The following EXOC6B variants were observed in gnomAD, a reference collection of about 807,000 sequenced individuals.
EXOC6B encodes SEC15 homolog B.
A neutral mutation model predicts 113.5 loss-of-function variants in EXOC6B; 54 were observed. The observed-to-expected ratio is 0.48, with a 90% CI of 0.38 to 0.60. EXOC6B has a LOEUF of 0.60. EXOC6B is among the 20% of genes least tolerant of loss of function. The pLI is 0.00. For missense variants in EXOC6B, 797 were observed against 977.5 expected, an observed-to-expected ratio of 0.82 and a Z score of 2.46; for synonymous variants, 357 against 339.0, an observed-to-expected ratio of 1.05 and a Z score of -0.58.
chr2:72,625,860 A>G (rs967263393), intron 6 of EXOC6B, among the ~76,000 whole-genome samples: 1 of 152,206 alleles, frequency 6.6e-6, no homozygotes, highest in African/African-American at 2.4e-5. Flanking sequence ...CATTTACACT[A>G]AACAATGGTT....
At chr2:72,299,689 C>G (rs1686380756) in intron 20 of EXOC6B, among the ~76,000 whole-genome samples, 1 of 152,106 alleles carries the variant, frequency 6.6e-6, no homozygotes, top group Admixed American at 6.5e-5. Flanking sequence ...TGAGTTTGGT[C>G]TTTGATGTCG....
chr2:72,819,096 G>A (rs1482466901), intron 1 of EXOC6B, among the ~76,000 whole-genome samples: 1 of 152,044 alleles, frequency 6.6e-6, no homozygotes, highest in Non-Finnish European at 1.5e-5. Flanking sequence ...CATAGACATT[G>A]CTCAATATTG....
At chr2:72,796,962 G>A (rs1297856537) in intron 1 of EXOC6B, among the ~76,000 whole-genome samples, 1 of 152,246 alleles carries the variant, frequency 6.6e-6, no homozygotes, top group Non-Finnish European at 1.5e-5. Flanking sequence ...AAAAGGCAGA[G>A]TTAATGCTAT....
At chr2:72,215,787 C>T (rs2104404504) in intron 20 of EXOC6B, among the ~76,000 whole-genome samples, 1 of 151,968 alleles carries the variant, frequency 6.6e-6, no homozygotes, top group East Asian at 2.0e-4. Flanking sequence ...GGGAGGAGAC[C>T]AGAAAAGGCC....
At chr2:72,614,023 A>G (rs185376043) in intron 6 of EXOC6B, among the ~76,000 whole-genome samples, 3 of 152,266 alleles carry the variant, frequency 2.0e-5, no homozygotes, top group Admixed American at 1.3e-4. Flanking sequence ...CTTTCCACAA[A>G]CCACAAAAGC....
rs1446250493 is a variant in EXOC6B, at chr2:72,334,959, G to A, written c.2184C>T (p.Ile728=). ...CACAAAGACTTACTTGTCTCAAGTC[G>A]ATGAAGGCCAACTGCAGCGTGTCCT... ...FQEDTLQLAF[I]DLRQLLDLFI... Residue 728 remains isoleucine, a synonymous_variant, in exon 20 of 22, where the codon ATC becomes ATT. Transcript: ENST00000272427. The A allele has an allele frequency of 1.8e-5, 29 of 1,613,098 alleles. No individual in the cohort carries two copies. Among genetic ancestry groups the A allele is most frequent in the South Asian group, 2.2e-5 (2 of 91,072 alleles).
At chr2:72,485,771 A>C (rs1699393241) in intron 16 of EXOC6B, among the ~76,000 whole-genome samples, 1 of 152,204 alleles carries the variant, frequency 6.6e-6, no homozygotes, top group Admixed American at 6.5e-5. Context: ...TATGGTCAAC[A>C]ATCTAAATTA....
At chr2:72,600,031 T>C (rs971557627) in intron 6 of EXOC6B, among the ~76,000 whole-genome samples, 9 of 152,156 alleles carry the variant, frequency 5.9e-5, no homozygotes, top group African/African-American at 2.2e-4. Flanking sequence ...TTTGTGACTA[T>C]TGACAAACTG....
intron 7 of EXOC6B, among the ~76,000 whole-genome samples, chr2:72,572,969 C>G (rs1242863033): frequency 6.6e-6 from 1 of 152,060 alleles, no homozygotes. Flanking sequence ...GATATGGAAC[C>G]ATTTAAAAAT....
At chr2:72,765,210 AG>A (rs1348147719) in intron 1 of EXOC6B, among the ~76,000 whole-genome samples, 2 of 152,148 alleles carry the variant, frequency 1.3e-5, no homozygotes, top group Non-Finnish European at 2.9e-5. Context: ...GCAGGAGGAT[AG>A]CTTTAGGCCA....
At chr2:72,609,852 G>C (rs1011541992) in intron 6 of EXOC6B, among the ~76,000 whole-genome samples, 3 of 151,946 alleles carry the variant, frequency 2.0e-5, no homozygotes, top group Non-Finnish European at 2.9e-5. Flanking sequence ...GTAATAAAGG[G>C]AAAACATTAA....
intron 7 of EXOC6B, among the ~76,000 whole-genome samples, chr2:72,573,807 C>T (rs557631669): frequency 6.6e-6 from 1 of 152,028 alleles, no homozygotes; most frequent in Admixed American, 6.5e-5. Flanking sequence ...AATAATGAAA[C>T]GTATATAAAA....
chr2:72,530,301 A>T (rs1701936822), intron 8 of EXOC6B, among the ~76,000 whole-genome samples: 2 of 152,218 alleles, frequency 1.3e-5, no homozygotes, highest in South Asian at 4.1e-4. Context: ...GTGTGCCACA[A>T]ATCTTCATTT....
chr2:72,307,161 G>GTTTTTGTTTTTTTTTTTTTTTTT lies in EXOC6B; in HGVS notation c.2196+27785_2196+27786insAAAAAAAAAAAAAAAAACAAAAA, dbSNP rs758906963. Among the ~76,000 whole-genome samples the GTTTTTGTTTTTTTTTTTTTTTTT allele has an allele frequency of 3.7e-4, 48 of 128,448 alleles. 3 individuals carry two copies. The highest frequency in any genetic ancestry group is 1.3e-3 in the African/African-American group (34 of 26,192). The allele number at this position is 128,448 out of a possible 152,430, so 84.3% of individuals were successfully genotyped here. On this transcript the variant is annotated intron_variant, in intron 20 of 21. Transcript: ENST00000272427. ...TCCATGACTGCAATGGTATAGTCCA[G>GTTTTTGTTTTTTTTTTTTTTTTT]TTTTTTTTTTTTTGAGACGGAGTCT...
intron 1 of EXOC6B, among the ~76,000 whole-genome samples, chr2:72,785,782 T>C (rs1014148630): frequency 6.6e-6 from 1 of 152,356 alleles, no homozygotes; most frequent in Non-Finnish European, 1.5e-5. Flanking sequence ...ATTTTCCCCA[T>C]AGTCTAGGGG....
intron 2 of EXOC6B, among the ~76,000 whole-genome samples, chr2:72,733,925 T>C (rs147943993): frequency 7.4e-4 from 113 of 152,322 alleles, no homozygotes; most frequent in African/African-American, 2.6e-3. Context: ...CATTTCCTAT[T>C]ATGTCCCTTA....
chr2:72,557,278 C>A (rs1703603119), intron 8 of EXOC6B, among the ~76,000 whole-genome samples: 1 of 78,028 alleles, frequency 1.3e-5, no homozygotes, highest in Non-Finnish European at 2.3e-5. Flanking sequence ...TATAATGAAA[C>A]AAAATAAAAT....
rs112174111 is a variant in EXOC6B, at chr2:72,400,987, G to A, written c.1981-21117C>T. ...ATCACTACACCAAAAAGATACCTAC[G>A]TTCATATATTTATCACAGCACTATT... On this transcript the variant is annotated intron_variant, in intron 18 of 21. Transcript: ENST00000272427. Among the ~76,000 whole-genome samples the A allele has an allele frequency of 9.3e-3, 1,417 of 151,894 alleles. 28 individuals are homozygous for A. The highest frequency in any genetic ancestry group is 0.032 in the African/African-American group (1,318 of 41,454).
intron 20 of EXOC6B, among the ~76,000 whole-genome samples, chr2:72,310,257 C>T (rs538939847): frequency 1.3e-5 from 2 of 152,186 alleles, no homozygotes; most frequent in Admixed American, 1.3e-4. Context: ...CCACCAACAA[C>T]GAATGAGGCA....
Sources: gnomAD v4.1 joint callset for allele counts (sites outside exome capture counted in the v4.1 genomes callset) on GRCh38, gnomAD v4.1.1 for gene constraint, MANE v1.5 for transcripts, NCBI Gene and HGNC (gene_info 2026-07-23, HGNC 2026-07-21) for gene names.